ARSG: variants seen among roughly 807,000 people sequenced by gnomAD.
The protein encoded by ARSG is arylsulfatase G, also known as ASG.
Under a neutral mutation model 50.5 loss-of-function variants are expected in ARSG, and 37 were observed. The ratio of observed to expected loss-of-function variants is 0.73; its 90% CI spans 0.56 to 0.96. The LOEUF (loss-of-function observed/expected upper bound fraction) is 0.96. Ranked by LOEUF, ARSG falls within the 50% of genes least tolerant of loss-of-function variation. The pLI is 0.00. For missense variants in ARSG, 629 were observed against 675.3 expected, an observed-to-expected ratio of 0.93 and a Z score of 0.76; for synonymous variants, 225 against 254.6, an observed-to-expected ratio of 0.88 and a Z score of 1.11.
the ARSG span, among the ~76,000 whole-genome samples, chr17:68,443,945 C>T: frequency 6.6e-6 from 1 of 152,214 alleles, no homozygotes; most frequent in South Asian, 2.1e-4. Context: ...AACCATTCCT[C>T]TTCTTATACA....
chr17:68,312,621 C>A (rs541444536), intron 2 of ARSG, among the ~76,000 whole-genome samples: 1 of 152,222 alleles, frequency 6.6e-6, no homozygotes, highest in South Asian at 2.1e-4. Context: ...TTCTCCCCAC[C>A]CCCTTATGAA....
intron 9 of ARSG, among the ~76,000 whole-genome samples, chr17:68,387,382 G>A (rs761413595): frequency 7.9e-5 from 12 of 152,258 alleles, no homozygotes; most frequent in Middle Eastern, 3.4e-3. Context: ...TCCCTCCTGG[G>A]CCTCCCAAAG....
At chr17:68,383,746 T>C (rs1303384677) in intron 8 of ARSG, among the ~76,000 whole-genome samples, 1 of 152,234 alleles carries the variant, frequency 6.6e-6, no homozygotes, top group Non-Finnish European at 1.5e-5. Flanking sequence ...GAGGGAGCTA[T>C]ATGTATTTAT....
intron 2 of ARSG, 93 bp downstream of exon 2, chr17:68,307,804 T>C: frequency 1.4e-6 from 1 of 693,314 alleles, no homozygotes; most frequent in Non-Finnish European, 2.5e-6. Flanking sequence ...TAAAGAGTCA[T>C]TGATGGACCC....
intron 10 of ARSG, among the ~76,000 whole-genome samples, 184 bp downstream of exon 10, chr17:68,395,377 CAG>C (rs1470781984): frequency 1.3e-5 from 2 of 152,222 alleles, no homozygotes; most frequent in African/African-American, 4.8e-5. Flanking sequence ...CACTTGAGGT[CAG>C]GAGTTCGAGA....
intron 1 of ARSG, among the ~76,000 whole-genome samples, chr17:68,276,573 T>C (rs2145037538): frequency 6.6e-6 from 1 of 152,198 alleles, no homozygotes; most frequent in Non-Finnish European, 1.5e-5. Flanking sequence ...TGCAGCCTCC[T>C]GAGTAGCTGG....
At chr17:68,291,972 T>G (rs1369495979) in intron 1 of ARSG, among the ~76,000 whole-genome samples, 1 of 151,904 alleles carries the variant, frequency 6.6e-6, no homozygotes, top group Non-Finnish European at 1.5e-5. Context: ...AGTTTGGGTG[T>G]GAGCTGCGCG....
At chr17:68,314,929 T>TG (rs2077013432) in intron 2 of ARSG, among the ~76,000 whole-genome samples, 1 of 152,218 alleles carries the variant, frequency 6.6e-6, no homozygotes, top group African/African-American at 2.4e-5. Context: ...TTAATCCCTA[T>TG]GCTGGCTGTG....
At chr17:68,342,664 C>A (rs1350607759) in intron 2 of ARSG, among the ~76,000 whole-genome samples, 1 of 152,118 alleles carries the variant, frequency 6.6e-6, no homozygotes, top group African/African-American at 2.4e-5. Flanking sequence ...CTGGTCCTAA[C>A]ACATACATTT....
At chr17:68,294,110 G>A (rs1297681654) in intron 1 of ARSG, among the ~76,000 whole-genome samples, 2 of 152,102 alleles carry the variant, frequency 1.3e-5, no homozygotes, top group Non-Finnish European at 2.9e-5. Flanking sequence ...TCAAGTGAAG[G>A]GCTCAGCTCC....
chr17:68,368,708 C>T lies in ARSG; in HGVS notation c.865C>T (p.His289Tyr). Residue 289 changes from histidine to tyrosine, a missense_variant, in exon 7 of 12, where the codon CAC (histidine) becomes TAC (tyrosine). His to Tyr is a moderately conservative substitution (Grantham distance 83, BLOSUM62 2). Coordinates refer to ENST00000621439, the MANE Select transcript of ARSG (RefSeq NM_001267727.2). ...GGGCCAGATCAAGGACAAAGTTGAC[C>T]ACACAGTGAAGGAAAACACATTCCT... The part of the protein sequence containing the change: ...LVGQIKDKVD[H>Y]TVKENTFLWF... 1.9e-6 allele frequency: 3 copies of T among 1,613,840 alleles called. No homozygotes were observed. The highest frequency in any genetic ancestry group is 2.5e-6 in the Non-Finnish European group (3 of 1,179,928).
chr17:68,436,149 G>A, the ARSG span, among the ~76,000 whole-genome samples: 1 of 152,244 alleles, frequency 6.6e-6, no homozygotes, highest in Non-Finnish European at 1.5e-5. Flanking sequence ...CTGCTGGCAA[G>A]TGGTTTTCAT....
the ARSG span, among the ~76,000 whole-genome samples, chr17:68,446,547 C>A: frequency 6.6e-6 from 1 of 152,300 alleles, no homozygotes; most frequent in South Asian, 2.1e-4. Context: ...TAAAAAAATT[C>A]TAACAGGTTC....
chr17:68,296,831 C>T lies in ARSG; in HGVS notation c.-552+5263C>T, dbSNP rs115712416. On this transcript the variant is annotated intron_variant, in intron 1 of 11. Transcript: ENST00000621439. ...GAAGACAGGACACATGCGATTGTTA[C>T]GTAAAACAGCATTTCAACAAGTACA... Among the ~76,000 whole-genome samples, 580 of 152,260 alleles carry T rather than the reference C, an allele frequency of 3.8e-3. 4 individuals are homozygous for T. The highest frequency in any genetic ancestry group is 0.013 in the African/African-American group (546 of 41,548).
At chr17:68,374,575 G>T (rs1437560258) in intron 8 of ARSG, among the ~76,000 whole-genome samples, 1 of 152,170 alleles carries the variant, frequency 6.6e-6, no homozygotes, top group African/African-American at 2.4e-5. Flanking sequence ...TAGCTGGCCA[G>T]GTGCAGTGGC....
chr17:68,437,001 A>ATATATATATAT, the ARSG span, among the ~76,000 whole-genome samples: 3 of 51,460 alleles, frequency 5.8e-5, no homozygotes, highest in Non-Finnish European at 1.5e-4. Context: ...CTCAAAAAAA[A>ATATATATATAT]AAAAATATAT....
the ARSG span, among the ~76,000 whole-genome samples, chr17:68,433,990 C>T: frequency 6.6e-6 from 1 of 151,900 alleles, no homozygotes; most frequent in Non-Finnish European, 1.5e-5. Context: ...ACCATGTTGG[C>T]CAGGCTGGTC....
chr17:68,372,877 ATTTTTTTTTTTTTTTTTTTT>A (rs55668215), intron 8 of ARSG, among the ~76,000 whole-genome samples: 1 of 93,164 alleles, frequency 1.1e-5, no homozygotes, highest in Non-Finnish European at 2.1e-5. Flanking sequence ...GGAAATGCTG[ATTTTTTTTTTTTTTTTTTTT>A]TTTTTTTTTT....
intron 8 of ARSG, among the ~76,000 whole-genome samples, chr17:68,372,310 A>G (rs1384002308): frequency 6.6e-6 from 1 of 152,204 alleles, no homozygotes; most frequent in East Asian, 1.9e-4. Flanking sequence ...CGATCGATCG[A>G]AACACCAATA....
Sources: gnomAD v4.1 joint callset for allele counts (sites outside exome capture counted in the v4.1 genomes callset) on GRCh38, gnomAD v4.1.1 for gene constraint, MANE v1.5 for transcripts, NCBI Gene and HGNC (gene_info 2026-07-23, HGNC 2026-07-21) for gene names.